The following ATP7A variants were observed in gnomAD, a reference collection of about 807,000 sequenced individuals.
The protein encoded by ATP7A is ATPase copper transporting alpha, also known as copper-transporting ATPase 1.
A neutral mutation model predicts 83.5 loss-of-function variants in ATP7A; 7 were observed. The observed-to-expected ratio is 0.08, with a 90% confidence interval of 0.05 to 0.16. ATP7A has a LOEUF of 0.16. Ranked by LOEUF, ATP7A falls within the 10% of genes least tolerant of loss-of-function variation. The probability of loss-of-function intolerance (pLI) is 1.00; values close to 1 mark genes in which losing one functional copy is unlikely to be tolerated. For missense variants in ATP7A, 940 were observed against 1,120.8 expected (o/e 0.84, Z 2.30); for synonymous variants, 354 against 395.2 (o/e 0.90, Z 1.24).
At chrX:77,931,746 C>T (rs1438236458) in intron 1 of ATP7A, among the ~76,000 whole-genome samples, 5 of 103,765 alleles carry the variant, frequency 4.8e-5, no homozygotes, top group East Asian at 6.5e-4. Flanking sequence ...ACCTCCCGGA[C>T]GGGGCGGCTG....
At chrX:77,934,260 A>T (rs959337126) in intron 1 of ATP7A, among the ~76,000 whole-genome samples, 1 of 109,977 alleles carries the variant, frequency 9.1e-6, no homozygotes, top group African/African-American at 3.3e-5. Context: ...CTAAACATTT[A>T]AAAAAAAATT....
intron 6 of ATP7A, among the ~76,000 whole-genome samples, chrX:78,007,366 C>T (rs1478460102): frequency 1.8e-5 from 2 of 110,762 alleles, no homozygotes; most frequent in Non-Finnish European, 3.8e-5. Context: ...CGCTCTGTCG[C>T]CCAGGCTGGA....
chrX:78,044,687 G>A (rs1185067031), intron 21 of ATP7A, among the ~76,000 whole-genome samples: 1 of 111,516 alleles, frequency 9.0e-6, no homozygotes, highest in African/African-American at 3.3e-5. Context: ...AGTGAACAAA[G>A]CAATATAACT....
At chrX:77,939,922 T>C (rs782600229) in intron 1 of ATP7A, among the ~76,000 whole-genome samples, 2 of 108,125 alleles carry the variant, frequency 1.8e-5, no homozygotes, top group African/African-American at 3.3e-5. Flanking sequence ...AAGGAATAAA[T>C]TTAAGAAATG....
At chrX:78,039,868 T>G (rs2149110039) in intron 18 of ATP7A, among the ~76,000 whole-genome samples, 1 of 112,344 alleles carries the variant, frequency 8.9e-6, no homozygotes, top group African/African-American at 3.2e-5. Context: ...CTGCATAATT[T>G]ATCAATCTTA....
intron 15 of ATP7A, among the ~76,000 whole-genome samples, chrX:78,030,136 G>A (rs1311331908): frequency 2.7e-5 from 3 of 112,265 alleles, no homozygotes; most frequent in Non-Finnish European, 5.6e-5. Context: ...CTTAAAAGTC[G>A]CAAGACTAGC....
chrX:77,958,293 G>A lies in ATP7A; in HGVS notation c.-21-13328G>A, dbSNP rs2077456293. ...TTCTGTATAGCCTGTACAACCATGA[G>A]CCCAAATAAATTCTCTTTTCTTTAT... On this transcript the variant is annotated intron_variant, in intron 1 of 22. Coordinates refer to ENST00000341514, the MANE Select transcript of ATP7A (RefSeq NM_000052.7). 3.6e-5 allele frequency among the ~76,000 whole-genome samples: 4 copies of A among 111,140 alleles called. No individual in the cohort carries two copies. The South Asian group carries it at 1.5e-3, about 43-fold the overall frequency.
chrX:77,969,544 G>A (rs781882355), intron 1 of ATP7A: 6 of 1,211,568 alleles, frequency 5.0e-6, no homozygotes, highest in East Asian at 3.0e-5. Context: ...GTGGCCCGCC[G>A]GGCTCAGATC....
chrX:78,020,907 C>T, intron 13 of ATP7A, 38 bp from the exon 14 acceptor site: 1 of 1,164,177 alleles, frequency 8.6e-7, no homozygotes, highest in Non-Finnish European at 1.2e-6. Flanking sequence ...CTTTGATATG[C>T]TTCTTCTTCT....
chrX:77,999,980 C>T (rs555674241), intron 5 of ATP7A, among the ~76,000 whole-genome samples: 13 of 110,092 alleles, frequency 1.2e-4, no homozygotes, highest in Middle Eastern at 9.4e-3. Flanking sequence ...CTTTGGCTGC[C>T]CTAGCCCTAG....
intron 5 of ATP7A, among the ~76,000 whole-genome samples, chrX:78,000,811 T>C (rs1300986710): frequency 1.8e-5 from 2 of 109,354 alleles, no homozygotes; most frequent in East Asian, 5.7e-4. Flanking sequence ...ACTACAGGTG[T>C]ATGCCACCAT....
intron 1 of ATP7A, among the ~76,000 whole-genome samples, chrX:77,941,793 A>G (rs782036872): frequency 3.6e-5 from 4 of 112,039 alleles, no homozygotes; most frequent in Admixed American, 9.5e-5. Flanking sequence ...CTGAGAACTA[A>G]CATCACATGT....
In ATP7A at chrX:77,945,805, T is replaced by C. The variant is rs552336172; in HGVS notation, c.-21-25816T>C. On this transcript the variant is annotated intron_variant, in intron 1 of 22. Transcript: ENST00000341514. ...TTTTTTTCAAGAATAAAAATATATG[T>C]TTAATTATGAGTTTTACTGTTCATC... Among the ~76,000 whole-genome samples, 4 of 111,898 alleles carry C rather than the reference T, an allele frequency of 3.6e-5. 1 individual carries two copies. The East Asian group carries it at 1.1e-3, about 31-fold the overall frequency.
intron 1 of ATP7A, among the ~76,000 whole-genome samples, chrX:77,934,976 TTGTG>T (rs1466846379): frequency 1.8e-5 from 2 of 109,271 alleles, no homozygotes; most frequent in Non-Finnish European, 3.8e-5. Flanking sequence ...TGGCTTTTTT[TTGTG>T]TGTGTGTCTT....
intron 1 of ATP7A, among the ~76,000 whole-genome samples, chrX:77,931,650 G>C (rs1237486385): frequency 2.4e-3 from 156 of 63,935 alleles, no homozygotes; most frequent in South Asian, 0.014. Flanking sequence ...GGGCTGACCC[G>C]CCCACCTCCC....
intron 1 of ATP7A, among the ~76,000 whole-genome samples, chrX:77,953,132 C>T (rs2077422267): frequency 8.9e-6 from 1 of 111,784 alleles, no homozygotes; most frequent in Non-Finnish European, 1.9e-5. Context: ...CAGTTATTTT[C>T]GTTTTCATAG....
At chrX:77,954,924 C>T (rs565342033) in intron 1 of ATP7A, among the ~76,000 whole-genome samples, 9 of 111,341 alleles carry the variant, frequency 8.1e-5, no homozygotes, top group South Asian at 3.7e-4. Context: ...TTAATTTCTA[C>T]GTACTTTGTA....
At chrX:77,988,056 C>A (rs782465361) in intron 2 of ATP7A, among the ~76,000 whole-genome samples, 186 bp from the exon 3 acceptor site, 1 of 111,545 alleles carries the variant, frequency 9.0e-6, no homozygotes, top group African/African-American at 3.2e-5. Context: ...ATAACTTTAC[C>A]ATTCTTGTAG....
At chrX:77,957,595 TTTGTTAA>T (rs1440085840) in intron 1 of ATP7A, among the ~76,000 whole-genome samples, 14 of 110,024 alleles carry the variant, frequency 1.3e-4, no homozygotes, top group Non-Finnish European at 2.7e-4. Flanking sequence ...GTCTCTTTAC[TTTGTTAA>T]TTGTTTCCTT....
Sources: gnomAD v4.1 joint callset for allele counts (sites outside exome capture counted in the v4.1 genomes callset) on GRCh38, gnomAD v4.1.1 for gene constraint, MANE v1.5 for transcripts, NCBI Gene and HGNC (gene_info 2026-07-23, HGNC 2026-07-21) for gene names.